Variants in NAV1 observed in about 807,000 individuals in gnomAD.
The protein encoded by NAV1 is pore membrane and/or filament interacting like protein 3.
A neutral mutation model predicts 175.2 loss-of-function variants in NAV1; 18 were observed. The observed-to-expected ratio is 0.10, with a 90% CI of 0.07 to 0.15. The LOEUF (loss-of-function observed/expected upper bound fraction) is 0.15, where lower values mean the gene tolerates loss of function less well. NAV1 is among the 10% of genes least tolerant of loss of function. NAV1 has a pLI of 1.00. For synonymous variants in NAV1, 897 were observed against 978.7 expected (o/e 0.92, Z 1.56); for missense variants, 1,731 against 2,436.6 (o/e 0.71, Z 6.10).
In NAV1 at chr1:201,813,320, A is replaced by C. The variant is rs933745165; in HGVS notation, c.5340+62A>C. On this transcript the variant is annotated intron_variant, in intron 28 of 29. Transcript: ENST00000367296. The surrounding 1 kb of genome is among the most constrained non-coding windows in gnomAD (Gnocchi z 4.2). ...GGCTGTCCTACCTAACAAAGTAGGA[A>C]TGTTTCTTTAATGTTAGGCATGGGA... is the stretch of plus-strand genomic sequence containing the variant. 4.6e-6 allele frequency: 5 copies of C among 1,091,198 alleles called. No individual in the cohort carries two copies. The highest frequency in any genetic ancestry group is 1.9e-5 in the Admixed American group (1 of 52,260). The allele number at this position is 1,091,198 out of a possible 1,614,324, so 67.6% of individuals were successfully genotyped here.
intron 2 of NAV1, among the ~76,000 whole-genome samples, chr1:201,615,398 G>A (rs1667975894): frequency 6.6e-6 from 1 of 151,956 alleles, no homozygotes; most frequent in African/African-American, 2.4e-5. Context: ...CCGAATAGCT[G>A]GGATTTCAGG....
intron 4 of NAV1, 49 bp from the exon 9 acceptor site, chr1:201,780,963 T>C (rs2102706974): frequency 7.2e-6 from 11 of 1,523,752 alleles, no homozygotes; most frequent in Non-Finnish European, 9.7e-6. Flanking sequence ...CTATCCAGTC[T>C]CCCATCTGCA....
At chr1:201,546,945 T>G (rs948222172) in intron 1 of NAV1, among the ~76,000 whole-genome samples, 6 of 151,480 alleles carry the variant, frequency 4.0e-5, no homozygotes, top group Admixed American at 2.0e-4. Context: ...ATCATGATAC[T>G]TAACCCTTCA....
chr1:201,809,682 T>G (rs374886692), intron 22 of NAV1, 145 bp downstream of exon 26: 5 of 802,082 alleles, frequency 6.2e-6, no homozygotes, highest in African/African-American at 3.5e-5. Context: ...CTCTTGGGCT[T>G]AAGTAATTCT....
intron 1 of NAV1, among the ~76,000 whole-genome samples, chr1:201,543,476 T>C (rs1014617478): frequency 6.6e-6 from 1 of 151,804 alleles, no homozygotes; most frequent in Non-Finnish European, 1.5e-5. Flanking sequence ...ATCACTCTTT[T>C]AGTCCTGGGA....
chr1:201,726,555 G>A (rs575230118), intron 3 of NAV1, among the ~76,000 whole-genome samples: 3 of 151,214 alleles, frequency 2.0e-5, no homozygotes, highest in African/African-American at 7.3e-5. Context: ...GGCTGAGGCA[G>A]GAGAATTGCT....
Position 201,649,432 on chromosome 1 carries a change from C to A in NAV1, c.757+7C>A. On this transcript the variant is annotated splice_region_variant and intron_variant, in intron 1 of 29. Coordinates refer to ENST00000367296, the Ensembl canonical transcript of NAV1. ...CTCTTCAGCCAGATGCTGGGTAAGTCCTGCCGCCCCGCCCCGCCCCGCCCC... is the reference window on the plus strand; with the variant it reads ...CTCTTCAGCCAGATGCTGGGTAAGTACTGCCGCCCCGCCCCGCCCCGCCCC... 1 of 1,513,844 alleles carries A rather than the reference C, an allele frequency of 6.6e-7. No individual in the cohort carries two copies. The allele number at this position is 1,513,844 out of a possible 1,614,324, so 93.8% of individuals were successfully genotyped here. A position where few individuals can be genotyped will look rare whatever the true frequency, so the allele number is the denominator to read the frequency against.
chr1:201,596,810 G>T (rs1571838360), intron 2 of NAV1, among the ~76,000 whole-genome samples: 1 of 145,834 alleles, frequency 6.9e-6, no homozygotes, highest in Non-Finnish European at 1.5e-5. Flanking sequence ...TAGTTTGTTT[G>T]TTTTTTGTTT....
intron 1 of NAV1, among the ~76,000 whole-genome samples, chr1:201,666,107 G>A (rs889871024): frequency 2.0e-5 from 3 of 151,984 alleles, no homozygotes; most frequent in African/African-American, 7.2e-5. Context: ...ATGAGCCCCA[G>A]AATCCCACCA....
intron 3 of NAV1, among the ~76,000 whole-genome samples, chr1:201,735,811 G>T (rs1673093322): frequency 6.6e-6 from 1 of 152,170 alleles, no homozygotes; most frequent in Non-Finnish European, 1.5e-5. Flanking sequence ...ATTCCCTCAG[G>T]ATTCAGTAGG....
intron 1 of NAV1, 57 bp downstream of exon 5, chr1:201,649,482 G>C: frequency 6.9e-7 from 1 of 1,449,192 alleles, no homozygotes; most frequent in Non-Finnish European, 9.1e-7. Flanking sequence ...CCAGCTGCTG[G>C]GGAAGGTGTG....
rs58216500 is a variant in NAV1, at chr1:201,670,380, C to CAAAAA, written c.757+20979_757+20983dup. On this transcript the variant is annotated intron_variant, in intron 1 of 29. Coordinates refer to ENST00000367296, the Ensembl canonical transcript of NAV1. ...TGGGCGACAGAGCGAGACTCCATCT[C>CAAAAA]AAAAAAAAAAAAAAAAAAAAAAAAA... is the stretch of plus-strand genomic sequence containing the variant. 3.4e-3 allele frequency among the ~76,000 whole-genome samples: 41 copies of CAAAAA among 12,180 alleles called. 3 individuals are homozygous for CAAAAA. Among genetic ancestry groups the CAAAAA allele is most frequent in the Non-Finnish European group, 4.2e-3 (27 of 6,434 alleles). The allele number at this position is 12,180 out of a possible 152,430, so 8.0% of individuals were successfully genotyped here. A position where few individuals can be genotyped will look rare whatever the true frequency, so the allele number is the denominator to read the frequency against.
intron 1 of NAV1, among the ~76,000 whole-genome samples, chr1:201,685,588 T>G (rs1273243346): frequency 4.6e-5 from 7 of 152,224 alleles, no homozygotes; most frequent in Non-Finnish European, 8.8e-5. Context: ...CCAGACTAAC[T>G]GGGATCCGTT....
At chr1:201,796,627 CT>C (rs35045890) in intron 15 of NAV1, 147,642 of 152,332 alleles carry the variant, frequency 0.97, 71,715 homozygotes, top group East Asian at 1. Flanking sequence ...ACACCCAGCC[CT>C]TATAGCTCCA....
intron 14 of NAV1, 34 bp downstream of exon 18, chr1:201,793,909 T>TGGGGGGGTTTGGGGGGGGGGGGGGGGGCC: frequency 1.9e-6 from 1 of 516,476 alleles, no homozygotes. Flanking sequence ...GAGGGGTGGG[T>TGGGGGGGTTTGGGGGGGGGGGGGGGGGCC]GCGGCGAGGG....
chr1:201,601,481 T>C (rs1395122544), intron 2 of NAV1, among the ~76,000 whole-genome samples: 1 of 151,940 alleles, frequency 6.6e-6, no homozygotes, highest in Admixed American at 6.6e-5. Flanking sequence ...AGACCTTGTC[T>C]AAAAAAAATA....
At chr1:201,676,445 G>A (rs962203893) in intron 1 of NAV1, among the ~76,000 whole-genome samples, 10 of 152,196 alleles carry the variant, frequency 6.6e-5, no homozygotes, top group African/African-American at 2.4e-4. Flanking sequence ...CTAGGCACAG[G>A]CCCAGCTCTG....
chr1:201,819,853 A>C, exon 30 of NAV1: 1 of 1,614,098 alleles, frequency 6.2e-7, no homozygotes, highest in Non-Finnish European at 8.5e-7. Context: ...ATGCTGCTGA[A>C]ACTTCAAGAA....
intron 2 of NAV1, among the ~76,000 whole-genome samples, chr1:201,716,986 G>A (rs1384982959): frequency 6.6e-6 from 1 of 152,208 alleles, no homozygotes; most frequent in Non-Finnish European, 1.5e-5. Flanking sequence ...GCCACTGATT[G>A]CCCTGACTGG....
Sources: allele counts gnomAD v4.1 joint callset (sites outside exome capture counted in the v4.1 genomes callset), GRCh38; gene constraint gnomAD v4.1.1; non-coding constraint Gnocchi (gnomAD v3.1); transcripts MANE v1.5; gene names NCBI Gene and HGNC (gene_info 2026-07-23, HGNC 2026-07-21).